Variants in EXOC6B observed in about 807,000 individuals in gnomAD.
EXOC6B encodes the protein SEC15 homolog B.
A neutral mutation model predicts 113.5 loss-of-function variants in EXOC6B; 54 were observed. That is an observed-to-expected ratio of 0.48 (90% CI 0.38 to 0.60). The LOEUF is 0.60. EXOC6B is among the 20% of genes least tolerant of loss of function. The pLI, the probability that EXOC6B is intolerant of heterozygous loss-of-function variation, is 0.00. For missense variants in EXOC6B, 797 were observed against 977.5 expected (o/e 0.82, Z 2.46); for synonymous variants, 357 against 339.0 (o/e 1.05, Z -0.58).
chr2:72,474,139 C>CTGA (rs1371488293), intron 17 of EXOC6B, among the ~76,000 whole-genome samples: 1 of 151,670 alleles, frequency 6.6e-6, no homozygotes, highest in Non-Finnish European at 1.5e-5. Context: ...CACTGTTAGT[C>CTGA]TGATGATGAT....
chr2:72,620,904 G>C (rs1671702751), intron 6 of EXOC6B, among the ~76,000 whole-genome samples: 1 of 152,006 alleles, frequency 6.6e-6, no homozygotes, highest in Non-Finnish European at 1.5e-5. Context: ...TGAAAAAAAT[G>C]CTCATCATCA....
At chr2:72,786,014 A>G (rs1439914109) in intron 1 of EXOC6B, among the ~76,000 whole-genome samples, 1 of 152,222 alleles carries the variant, frequency 6.6e-6, no homozygotes, top group Non-Finnish European at 1.5e-5. Flanking sequence ...GCTTAAGCCC[A>G]GGAGTTTGAG....
chr2:72,538,233 G>T (rs753040359), intron 8 of EXOC6B, among the ~76,000 whole-genome samples: 4 of 152,090 alleles, frequency 2.6e-5, no homozygotes, highest in Non-Finnish European at 4.4e-5. Flanking sequence ...AAAGTGCTGG[G>T]ATTACAAGTG....
chr2:72,782,175 T>C (rs1210738807), intron 1 of EXOC6B, among the ~76,000 whole-genome samples: 3 of 147,414 alleles, frequency 2.0e-5, no homozygotes, highest in African/African-American at 5.0e-5. Flanking sequence ...AGAAAAGAAA[T>C]ATTGAGTATA....
intron 6 of EXOC6B, among the ~76,000 whole-genome samples, chr2:72,644,808 C>T (rs563719489): frequency 2.0e-5 from 3 of 152,220 alleles, no homozygotes; most frequent in South Asian, 2.1e-4. Flanking sequence ...TGGAAAGGAA[C>T]GACCGGTACC....
chr2:72,408,938 A>C (rs2105211365), intron 18 of EXOC6B, among the ~76,000 whole-genome samples: 1 of 152,300 alleles, frequency 6.6e-6, no homozygotes, highest in South Asian at 2.1e-4. Flanking sequence ...CAACCTACAA[A>C]ATGGGAGAAA....
chr2:72,556,840 A>C (rs1703574620), intron 8 of EXOC6B, among the ~76,000 whole-genome samples: 1 of 152,128 alleles, frequency 6.6e-6, no homozygotes, highest in Admixed American at 6.5e-5. Context: ...ATTGAACATA[A>C]CATAGACATA....
At chr2:72,586,730 G>A (rs369607324) in intron 6 of EXOC6B, among the ~76,000 whole-genome samples, 4 of 151,560 alleles carry the variant, frequency 2.6e-5, no homozygotes, top group East Asian at 1.9e-4. Context: ...CTAGCCTGGC[G>A]GCAGAGCAAG....
chr2:72,275,415 C>T (rs1255315453), intron 20 of EXOC6B, among the ~76,000 whole-genome samples: 5 of 152,118 alleles, frequency 3.3e-5, no homozygotes, highest in Non-Finnish European at 7.3e-5. Context: ...CATGTAGATG[C>T]TATATGATTT....
chr2:72,672,190 G>A (rs913647552), intron 6 of EXOC6B, among the ~76,000 whole-genome samples: 5 of 106,672 alleles, frequency 4.7e-5, no homozygotes, highest in African/African-American at 6.9e-5. Context: ...TTCGACTACT[G>A]GGTATATATC....
chr2:72,535,108 T>C (rs928737532), intron 8 of EXOC6B, among the ~76,000 whole-genome samples: 1 of 152,180 alleles, frequency 6.6e-6, no homozygotes, highest in Non-Finnish European at 1.5e-5. Flanking sequence ...CATATACATC[T>C]CTTTGCCTAT....
chr2:72,695,675 C>G (rs1299758942), intron 6 of EXOC6B, among the ~76,000 whole-genome samples: 1 of 152,066 alleles, frequency 6.6e-6, no homozygotes, highest in Admixed American at 6.5e-5. Context: ...CCCACATAGA[C>G]AGAGTTAAGA....
chr2:72,646,631 C>T (rs1404684492), intron 6 of EXOC6B, among the ~76,000 whole-genome samples: 3 of 152,152 alleles, frequency 2.0e-5, no homozygotes, highest in African/African-American at 7.2e-5. Context: ...CCCTGGGATG[C>T]AAGGCTGGTT....
At chr2:72,397,948 C>A (rs1299551542) in intron 18 of EXOC6B, among the ~76,000 whole-genome samples, 3 of 151,838 alleles carry the variant, frequency 2.0e-5, no homozygotes, top group African/African-American at 7.3e-5. Context: ...GCATGGGGCA[C>A]AAGAAAAAAA....
At chr2:72,185,946 T>C (rs983977733) in intron 20 of EXOC6B, among the ~76,000 whole-genome samples, 1 of 146,906 alleles carries the variant, frequency 6.8e-6, no homozygotes, top group African/African-American at 2.5e-5. Context: ...CCTGTGTCCA[T>C]GTGTTCTCAT....
intron 20 of EXOC6B, among the ~76,000 whole-genome samples, chr2:72,307,241 G>C (rs1243892547): frequency 6.7e-6 from 1 of 148,760 alleles, no homozygotes; most frequent in East Asian, 1.9e-4. Context: ...CCAGGTTCAA[G>C]CGATTCCCCT....
At chr2:72,535,036 G>A (rs1702203267) in intron 8 of EXOC6B, among the ~76,000 whole-genome samples, 1 of 152,162 alleles carries the variant, frequency 6.6e-6, no homozygotes, top group African/African-American at 2.4e-5. Context: ...AAGAAGGAAT[G>A]TGTTTCCCAT....
chr2:72,542,762 T>C (rs1163534079), intron 8 of EXOC6B, among the ~76,000 whole-genome samples: 1 of 152,226 alleles, frequency 6.6e-6, no homozygotes, highest in African/African-American at 2.4e-5. Context: ...TAGTTATTTA[T>C]GTATCCCCAT....
intron 6 of EXOC6B, among the ~76,000 whole-genome samples, chr2:72,589,276 A>G (rs1319168401): frequency 6.6e-6 from 1 of 152,042 alleles, no homozygotes; most frequent in East Asian, 1.9e-4. Context: ...ATGAAAAAAG[A>G]GATAAATTTT....
Sources: allele counts gnomAD v4.1 joint callset (sites outside exome capture counted in the v4.1 genomes callset), GRCh38; gene constraint gnomAD v4.1.1; transcripts MANE v1.5; gene names NCBI Gene and HGNC (gene_info 2026-07-23, HGNC 2026-07-21).